PHIP: variants seen among roughly 807,000 people sequenced by gnomAD.
PHIP encodes PH-interacting protein.
Under a neutral mutation model 236.8 loss-of-function variants are expected in PHIP, and 54 were observed. The observed-to-expected ratio is 0.23, with a 90% CI of 0.18 to 0.29. The LOEUF (loss-of-function observed/expected upper bound fraction) is 0.29, where lower values mean the gene tolerates loss of function less well. Among genes scored for constraint, PHIP ranks in the 10% least tolerant of loss-of-function variants. PHIP has a pLI of 1.00. For synonymous variants in PHIP, 756 were observed against 718.9 expected, an observed-to-expected ratio of 1.05 and a Z score of -0.83; for missense variants, 1,370 against 2,190.8, an observed-to-expected ratio of 0.63 and a Z score of 7.48.
chr6:79,064,766 G>C (rs928801543), intron 4 of PHIP, among the ~76,000 whole-genome samples: 4 of 152,108 alleles, frequency 2.6e-5, no homozygotes, highest in South Asian at 4.1e-4. Context: ...TCCAGTTCCA[G>C]ATCCTCTTTT....
intron 21 of PHIP, among the ~76,000 whole-genome samples, chr6:78,987,240 A>C (rs1311319938): frequency 6.6e-6 from 1 of 152,096 alleles, no homozygotes; most frequent in Non-Finnish European, 1.5e-5. Flanking sequence ...ATTTAGAGGA[A>C]ACTCTTTCAA....
intron 2 of PHIP, 29 bp from the exon 3 acceptor site, chr6:79,077,758 C>A: frequency 1.0e-6 from 1 of 983,632 alleles, no homozygotes; most frequent in Non-Finnish European, 1.2e-6. Flanking sequence ...GAGAGCTGAG[C>A]CCCGCGCCCC....
chr6:79,067,645 G>C (rs1477844771), intron 4 of PHIP: 1 of 152,098 alleles, frequency 6.6e-6, no homozygotes, highest in African/African-American at 2.4e-5. Context: ...CAGATCTCCT[G>C]CACAATTTAC....
At chr6:78,961,622 A>T in intron 31 of PHIP, 68 bp downstream of exon 31, 1 of 1,523,526 alleles carries the variant, frequency 6.6e-7, no homozygotes, top group Non-Finnish European at 9.0e-7. Context: ...AACACTGCTA[A>T]AGATCAGTAA....
At chr6:78,969,334 G>A (rs1474346316) in intron 27 of PHIP, among the ~76,000 whole-genome samples, 1 of 152,104 alleles carries the variant, frequency 6.6e-6, no homozygotes, top group African/African-American at 2.4e-5. Flanking sequence ...ATTTTTAAGA[G>A]AACTACTCTC....
intron 39 of PHIP, among the ~76,000 whole-genome samples, chr6:78,942,585 C>A (rs921083232): frequency 2.6e-5 from 4 of 152,134 alleles, no homozygotes; most frequent in Non-Finnish European, 5.9e-5. Context: ...TCCTGACCCC[C>A]ATAGTGAAAT....
chr6:78,943,990 TAA>T (rs558983037), intron 39 of PHIP, among the ~76,000 whole-genome samples: 1 of 78,144 alleles, frequency 1.3e-5, no homozygotes, highest in Admixed American at 1.8e-4. Flanking sequence ...TGTCTTTTTT[TAA>T]AAAAAAAAAA....
At chr6:78,969,072 C>G (rs973839698) in intron 27 of PHIP, among the ~76,000 whole-genome samples, 23 of 152,152 alleles carry the variant, frequency 1.5e-4, no homozygotes, top group African/African-American at 5.6e-4. Context: ...ACACATCTTT[C>G]AAAACTTCTA....
At chr6:79,010,008 A>C (rs1770489371) in intron 15 of PHIP, among the ~76,000 whole-genome samples, 1 of 151,940 alleles carries the variant, frequency 6.6e-6, no homozygotes, top group South Asian at 2.1e-4. Flanking sequence ...AGTCCTTTTA[A>C]CACAGAGAGT....
In PHIP at chr6:79,078,219, G is replaced by A; in HGVS notation, c.-151C>T. 2 of 679,312 alleles carry A rather than the reference G, an allele frequency of 2.9e-6. No individual in the cohort carries two copies. The highest frequency in any genetic ancestry group is 1.9e-5 in the African/African-American group (1 of 53,684). 42.1% of individuals were successfully genotyped at this position (679,312 alleles called of 1,614,324 possible). A position where few individuals can be genotyped will look rare whatever the true frequency, so the allele number is the denominator to read the frequency against. ...AAGCAACGGCGGCGGAGGCGGAGGA[G>A]GAGGAGGAGGAAACAACAACTCTCA... is the stretch of plus-strand genomic sequence containing the variant. On this transcript the variant is annotated 5_prime_UTR_variant, in exon 1 of 40. Coordinates refer to ENST00000275034, the MANE Select transcript of PHIP (RefSeq NM_017934.7).
Position 78,946,073 on chromosome 6 carries a change from G to T in PHIP, c.4558C>A (p.Gln1520Lys). Residue 1520 changes from glutamine (Q) to lysine (K), a missense_variant, in exon 38 of 40, where the codon CAA becomes AAA. Transcript: ENST00000275034. Reference protein sequence around the residue: ...RVVVDPVVTEQPSTSSAAKTF... With the variant: ...RVVVDPVVTEKPSTSSAAKTF... ...TTTGCAGCTGAAGAAGTAGATGGTT[G>T]CTCAGTGACAACTGGATCTACAACC... is the stretch of plus-strand genomic sequence containing the variant. The T allele has an allele frequency of 6.2e-7, 1 of 1,612,046 alleles. No individual in the cohort carries two copies. The highest frequency in any genetic ancestry group is 8.5e-7 in the Non-Finnish European group (1 of 1,178,092).
intron 24 of PHIP, among the ~76,000 whole-genome samples, chr6:78,972,317 C>T (rs906562041): frequency 6.6e-6 from 1 of 152,132 alleles, no homozygotes; most frequent in Non-Finnish European, 1.5e-5. Flanking sequence ...AGCTGAGGGT[C>T]CTGTCTGTTA....
chr6:79,008,341 A>C (rs1272916036), intron 15 of PHIP, among the ~76,000 whole-genome samples: 1 of 152,146 alleles, frequency 6.6e-6, no homozygotes. Flanking sequence ...AAATCAGTAG[A>C]TCAGATTATT....
Position 79,015,653 on chromosome 6 carries a change from C to T in PHIP, c.1366G>A (p.Gly456Ser). 1 of 1,604,600 alleles carries T rather than the reference C, an allele frequency of 6.2e-7. No homozygotes were observed. Among genetic ancestry groups the T allele is most frequent in the Non-Finnish European group, 8.5e-7 (1 of 1,174,548 alleles). The change falls in exon 14 of 40, where the codon GGT (glycine) becomes AGT (serine). Residue 456 changes from glycine to serine, a missense_variant. Transcript: ENST00000275034. ...ACCATCAGGACATGAATTAGTTGAC[C>T]AGTGTAAGAATTCCAAACTTTCAGA... ...MTLKVWNSYT[G>S]QLIHVLMGHE...
At chr6:78,999,539 G>T (rs1769854946) in intron 17 of PHIP, among the ~76,000 whole-genome samples, 1 of 151,962 alleles carries the variant, frequency 6.6e-6, no homozygotes, top group Admixed American at 6.6e-5. Context: ...CTAGTACAAT[G>T]CTAGGCATTA....
chr6:79,013,360 T>C (rs1365305602), intron 15 of PHIP, among the ~76,000 whole-genome samples: 1 of 151,812 alleles, frequency 6.6e-6, no homozygotes, highest in Non-Finnish European at 1.5e-5. Flanking sequence ...TCTGCAATTC[T>C]ATGAATACTA....
At chr6:78,974,041 A>G (rs1299376787) in intron 24 of PHIP, among the ~76,000 whole-genome samples, 1 of 152,216 alleles carries the variant, frequency 6.6e-6, no homozygotes, top group Non-Finnish European at 1.5e-5. Context: ...AGACTTCTGC[A>G]GAACTCTCCA....
At chr6:78,954,189 C>G (rs542107480) in intron 35 of PHIP, among the ~76,000 whole-genome samples, 1 of 152,074 alleles carries the variant, frequency 6.6e-6, no homozygotes, top group South Asian at 2.1e-4. Flanking sequence ...GCAAGCTCCA[C>G]CTCCCGGGTT....
chr6:78,960,105 A>G (rs1380008074), intron 31 of PHIP, among the ~76,000 whole-genome samples: 1 of 152,150 alleles, frequency 6.6e-6, no homozygotes, highest in Admixed American at 6.6e-5. Context: ...AGCCCAGAAA[A>G]AGATGAAAAT....
Sources: allele counts gnomAD v4.1 joint callset (sites outside exome capture counted in the v4.1 genomes callset), GRCh38; gene constraint gnomAD v4.1.1; transcripts MANE v1.5; gene names NCBI Gene and HGNC (gene_info 2026-07-23, HGNC 2026-07-21).